The following KCNQ1 variants were observed in gnomAD, a reference collection of about 807,000 sequenced individuals.
KCNQ1 encodes potassium voltage-gated channel subfamily KQT member 1.
Under a neutral mutation model 72.4 loss-of-function variants are expected in KCNQ1, and 49 were observed. That is an observed-to-expected ratio of 0.68 (90% CI 0.54 to 0.86). The LOEUF is 0.86. Among genes scored for constraint, KCNQ1 ranks in the 40% least tolerant of loss-of-function variants. KCNQ1 has a pLI of 0.00. For missense variants in KCNQ1, 790 were observed against 945.1 expected (o/e 0.84, Z 2.15); for synonymous variants, 450 against 412.6 (o/e 1.09, Z -1.10).
chr11:2,700,110 TTGGC>T (rs1850774375), intron 11 of KCNQ1: 2 of 397,484 alleles, frequency 5.0e-6, no homozygotes, highest in Non-Finnish European at 8.9e-6. Context: ...GCTGCACGGA[TTGGC>T]TGGGTGCGGA....
intron 10 of KCNQ1, chr11:2,641,455 A>C (rs749148425): frequency 7.5e-6 from 3 of 397,862 alleles, no homozygotes; most frequent in African/African-American, 6.2e-5. Flanking sequence ...ATATCTATCC[A>C]TGTCTTTTGC....
Position 2,468,227 on chromosome 11 carries a change from G to A in KCNQ1, c.386+22743G>A, listed in dbSNP as rs1023301461. 1.3e-5 allele frequency among the ~76,000 whole-genome samples: 2 copies of A among 152,152 alleles called. No homozygotes were observed. The highest frequency in any genetic ancestry group is 4.8e-5 in the African/African-American group (2 of 41,430). On this transcript the variant is annotated intron_variant, in intron 1 of 15. Coordinates refer to ENST00000155840, the MANE Select transcript of KCNQ1 (RefSeq NM_000218.3). The surrounding 1 kb of genome is among the most constrained non-coding windows in gnomAD (Gnocchi z 5.7). ...AGTGGTGTGATCTTGGTTCACTGCA[G>A]CCTCGACCTCCCTGGCTCAAGAGAT...
At chr11:2,548,482 C>T (rs902680960) in intron 2 of KCNQ1, among the ~76,000 whole-genome samples, 1 of 152,214 alleles carries the variant, frequency 6.6e-6, no homozygotes, top group African/African-American at 2.4e-5. Context: ...TTTTCCATAG[C>T]AGTTTATATT....
chr11:2,635,143 C>A (rs924900731), intron 10 of KCNQ1: 2 of 152,196 alleles, frequency 1.3e-5, no homozygotes, highest in African/African-American at 2.4e-5. Flanking sequence ...CCTATTCACT[C>A]TGACGGTAGT....
rs182833443 is a variant in KCNQ1, at chr11:2,542,774, A to G, written c.477+14756A>G. ...TCCAGGCTGTGGCATGTAATAATTC[A>G]TTCCTTTTTCATTGCTGAGCCGTAT... On this transcript the variant is annotated intron_variant, in intron 2 of 15. Coordinates refer to ENST00000155840, the MANE Select transcript of KCNQ1 (RefSeq NM_000218.3). 2.6e-5 allele frequency among the ~76,000 whole-genome samples: 4 copies of G among 152,232 alleles called. No homozygotes were observed. In the East Asian group the frequency reaches 7.7e-4, roughly 29 times the overall value.
intron 15 of KCNQ1, among the ~76,000 whole-genome samples, chr11:2,825,158 G>C (rs1394675278): frequency 6.6e-6 from 1 of 151,478 alleles, no homozygotes; most frequent in Non-Finnish European, 1.5e-5. Context: ...GAACATGGGA[G>C]GTGCCGTTTC....
chr11:2,785,694 T>C lies in KCNQ1; in HGVS notation c.1794+7657T>C, dbSNP rs1846897722. Among the ~76,000 whole-genome samples, 2 of 151,936 alleles carry C rather than the reference T, an allele frequency of 1.3e-5. No homozygotes were observed. The highest frequency in any genetic ancestry group is 4.8e-5 in the African/African-American group (2 of 41,440). ...AGCAGTGTATTTTGTGCTTTCCACTTGTACTAAATCTGTAATATTTATTTT... is the reference window on the plus strand; with the variant it reads ...AGCAGTGTATTTTGTGCTTTCCACTCGTACTAAATCTGTAATATTTATTTT... On this transcript the variant is annotated intron_variant, in intron 15 of 15. Coordinates refer to ENST00000155840, the MANE Select transcript of KCNQ1 (RefSeq NM_000218.3). This position sits in a 1 kb window ranked among gnomAD's most constrained non-coding sequence, Gnocchi z 4.4.
At chr11:2,540,917 G>A (rs1847812510) in intron 2 of KCNQ1, among the ~76,000 whole-genome samples, 1 of 152,238 alleles carries the variant, frequency 6.6e-6, no homozygotes, top group Non-Finnish European at 1.5e-5. Context: ...TTGAAGTCGG[G>A]GGTTGAAAAA....
Position 2,529,241 on chromosome 11 carries a change from T to C in KCNQ1, c.477+1223T>C, listed in dbSNP as rs868865813. 3.9e-5 allele frequency among the ~76,000 whole-genome samples: 6 copies of C among 152,212 alleles called. 1 individual carries two copies. The South Asian group carries it at 1.0e-3, about 26-fold the overall frequency. Reference sequence around the variant, plus strand: ...CCACTGGTCTCCTGGACTTTTCCTTTACCAGGGCCCTACTGACTTGGTGGT... The same window carrying C: ...CCACTGGTCTCCTGGACTTTTCCTTCACCAGGGCCCTACTGACTTGGTGGT... On this transcript the variant is annotated intron_variant, in intron 2 of 15. Transcript: ENST00000155840.
In KCNQ1 at chr11:2,588,694, GTTGTC is replaced by G. The variant is rs747949313; in HGVS notation, c.1252-14_1252-10del. 6.2e-7 allele frequency: 1 copy of G among 1,612,944 alleles called. No individual in the cohort carries two copies. The highest frequency in any genetic ancestry group is 2.2e-5 in the East Asian group (1 of 44,860). ...GACGATGTCCAGGAACCGCTAATCT[GTTGTC>G]TTGTTTTTTTTAGGTAAAGAAAAAA... On this transcript the variant is annotated splice_polypyrimidine_tract_variant and intron_variant, in intron 9 of 15. Coordinates refer to ENST00000155840, the MANE Select transcript of KCNQ1 (RefSeq NM_000218.3). This position sits in a 1 kb window ranked among gnomAD's most constrained non-coding sequence, Gnocchi z 5.6.
At chr11:2,540,166 C>T (rs1208868532) in intron 2 of KCNQ1, among the ~76,000 whole-genome samples, 1 of 152,154 alleles carries the variant, frequency 6.6e-6, no homozygotes, top group Non-Finnish European at 1.5e-5. Flanking sequence ...AAGGAGGTAG[C>T]CTGAGGTCTC....
At chr11:2,469,451 T>G (rs1846406962) in intron 1 of KCNQ1, among the ~76,000 whole-genome samples, 1 of 151,886 alleles carries the variant, frequency 6.6e-6, no homozygotes. Context: ...TATTTGTATT[T>G]TAGTAGAGAC....
At chr11:2,721,038 C>G (rs1382297558) in intron 11 of KCNQ1, among the ~76,000 whole-genome samples, 2 of 152,028 alleles carry the variant, frequency 1.3e-5, no homozygotes, top group Non-Finnish European at 2.9e-5. Flanking sequence ...AGCCAGGCCC[C>G]AGATGCAAGA....
intron 15 of KCNQ1, among the ~76,000 whole-genome samples, chr11:2,829,124 G>A (rs1347440713): frequency 1.3e-5 from 2 of 152,162 alleles, no homozygotes; most frequent in South Asian, 2.1e-4. Flanking sequence ...ACTTGAGGAC[G>A]TGCTCTAGCA....
At chr11:2,560,135 G>C (rs1435212296) in intron 2 of KCNQ1, among the ~76,000 whole-genome samples, 1 of 118,416 alleles carries the variant, frequency 8.4e-6, no homozygotes, top group Non-Finnish European at 1.9e-5. Flanking sequence ...CAGACATGGG[G>C]GGGAGATGTC....
At chr11:2,633,673 G>A (rs1201127227) in intron 10 of KCNQ1, 2 of 398,362 alleles carry the variant, frequency 5.0e-6, no homozygotes, top group Non-Finnish European at 8.8e-6. Context: ...CCAGTTGTCT[G>A]TAAATAAATT....
chr11:2,829,991 A>C, intron 15 of KCNQ1, among the ~76,000 whole-genome samples: 1 of 109,414 alleles, frequency 9.1e-6, no homozygotes, highest in South Asian at 3.2e-4. Context: ...GGGAGGAGGA[A>C]GGAAGAGGGA....
rs1017417292 is a variant in KCNQ1, at chr11:2,813,222, A to G, written c.1795-34545A>G. On this transcript the variant is annotated intron_variant, in intron 15 of 15. Coordinates refer to ENST00000155840, the MANE Select transcript of KCNQ1 (RefSeq NM_000218.3). This position sits in a 1 kb window ranked among gnomAD's most constrained non-coding sequence, Gnocchi z 4.4. Reference sequence around the variant, plus strand: ...GGCTGGCAGAGCTGGAGGGAGTTCCATCCCAGCCCCAAGGTGCCTGGAGTA... The same window carrying G: ...GGCTGGCAGAGCTGGAGGGAGTTCCGTCCCAGCCCCAAGGTGCCTGGAGTA... Among the ~76,000 whole-genome samples, 1 of 152,152 alleles carries G rather than the reference A, an allele frequency of 6.6e-6. No individual in the cohort carries two copies. The highest frequency in any genetic ancestry group is 1.5e-5 in the Non-Finnish European group (1 of 68,020).
In KCNQ1 at chr11:2,661,127, CAG is replaced by C; in HGVS notation, c.1394-829_1394-828del. 2.5e-6 allele frequency: 1 copy of C among 398,442 alleles called. No individual in the cohort carries two copies. The highest frequency in any genetic ancestry group is 4.4e-6 in the Non-Finnish European group (1 of 226,038). The allele number at this position is 398,442 out of a possible 1,614,324, so 24.7% of individuals were successfully genotyped here. A position where few individuals can be genotyped will look rare whatever the true frequency, so the allele number is the denominator to read the frequency against. On this transcript the variant is annotated intron_variant, in intron 10 of 15. Transcript: ENST00000155840. This position sits in a 1 kb window ranked among gnomAD's most constrained non-coding sequence, Gnocchi z 5.9. The stretch of plus-strand genomic sequence containing the variant: ...ACCTGGCATCTGCTGCTCGGATGAG[CAG>C]AGAGGGTGGGCTAGGGATCTAGTTG...
Sources: gnomAD v4.1 joint callset for allele counts (sites outside exome capture counted in the v4.1 genomes callset) on GRCh38, gnomAD v4.1.1 for gene constraint, Gnocchi (gnomAD v3.1) non-coding constraint, MANE v1.5 for transcripts, NCBI Gene and HGNC (gene_info 2026-07-23, HGNC 2026-07-21) for gene names.